PPP1R16B: variants seen among roughly 807,000 people sequenced by gnomAD.
PPP1R16B encodes the protein protein phosphatase 1 regulatory inhibitor subunit 16B.
In PPP1R16B, 14 loss-of-function variants were observed where a neutral mutation model predicts 61.7. That is an observed-to-expected ratio of 0.23 (90% CI 0.15 to 0.35). PPP1R16B has a LOEUF of 0.35. Ranked by LOEUF, PPP1R16B falls within the 10% of genes least tolerant of loss-of-function variation. The pLI is 1.00. For missense variants in PPP1R16B, 547 were observed against 752.5 expected (o/e 0.73, Z 3.19); for synonymous variants, 266 against 305.3 (o/e 0.87, Z 1.34).
At chr20:38,906,857 G>A in intron 7 of PPP1R16B, 122 bp from the exon 8 acceptor site, 2 of 807,864 alleles carry the variant, frequency 2.5e-6, no homozygotes, top group Non-Finnish European at 4.2e-6. Flanking sequence ...GCCTTCCCTG[G>A]AAATCAACTT....
chr20:38,921,912 C>G lies in PPP1R16B; in HGVS notation c.*3246C>G, dbSNP rs1483293006. ...TCCATGGCAGGGGTGGATTCGGGAG[C>G]TGGGAGTAACCAGGCAAAGTCAACC... On this transcript the variant is annotated 3_prime_UTR_variant, in exon 11 of 11. Coordinates refer to ENST00000299824, the MANE Select transcript of PPP1R16B (RefSeq NM_015568.4). 1.3e-5 allele frequency: 2 copies of G among 152,220 alleles called. No individual in the cohort carries two copies. The highest frequency in any genetic ancestry group is 2.9e-5 in the Non-Finnish European group (2 of 68,052). The allele number at this position is 152,220 out of a possible 1,614,324, so 9.4% of individuals were successfully genotyped here.
At chr20:38,878,014 A>T (rs1398713450) in intron 2 of PPP1R16B, among the ~76,000 whole-genome samples, 1 of 140,166 alleles carries the variant, frequency 7.1e-6, no homozygotes, top group African/African-American at 2.7e-5. Flanking sequence ...TGGGAAGGAT[A>T]AATGATTCAA....
intron 10 of PPP1R16B, among the ~76,000 whole-genome samples, chr20:38,913,971 C>T (rs1185756464): frequency 1.3e-5 from 2 of 152,164 alleles, no homozygotes; most frequent in Non-Finnish European, 2.9e-5. Context: ...GCAGGCGGAT[C>T]ATCTGAGGTC....
intron 2 of PPP1R16B, among the ~76,000 whole-genome samples, chr20:38,879,553 T>A (rs942100938): frequency 5.3e-5 from 8 of 152,214 alleles, no homozygotes; most frequent in Non-Finnish European, 2.9e-5. Context: ...TCTTAGAATT[T>A]AAAAAAATAT....
chr20:38,807,919 G>A (rs1045825907), intron 1 of PPP1R16B, among the ~76,000 whole-genome samples: 1 of 152,034 alleles, frequency 6.6e-6, no homozygotes, highest in Non-Finnish European at 1.5e-5. Flanking sequence ...GATCATCCAT[G>A]GCCTAGAAAG....
intron 10 of PPP1R16B, among the ~76,000 whole-genome samples, chr20:38,916,331 A>C (rs1406530731): frequency 1.3e-5 from 2 of 148,266 alleles, no homozygotes; most frequent in Non-Finnish European, 3.0e-5. Flanking sequence ...TGTATGTTAT[A>C]TATAAATACA....
rs897662247 is a variant in PPP1R16B at position 38,921,277 on chromosome 20, C to G, written c.*2611C>G. ...GGGTGTTGAGAGACAAGTTGGAGACCAACCTCCAATGAATGAGCCGCGGTC... is the reference window on the plus strand; with the variant it reads ...GGGTGTTGAGAGACAAGTTGGAGACGAACCTCCAATGAATGAGCCGCGGTC... On this transcript the variant is annotated 3_prime_UTR_variant, in exon 11 of 11. Transcript: ENST00000299824. 20 of 152,192 alleles carry G rather than the reference C, an allele frequency of 1.3e-4. No homozygotes were observed. Among genetic ancestry groups the G allele is most frequent in the African/African-American group, 4.8e-4 (20 of 41,448 alleles). 9.4% of individuals were successfully genotyped at this position (152,192 alleles called of 1,614,324 possible). A position where few individuals can be genotyped will look rare whatever the true frequency, so the allele number is the denominator to read the frequency against.
chr20:38,913,348 C>T (rs1190598401), intron 10 of PPP1R16B, among the ~76,000 whole-genome samples: 2 of 151,470 alleles, frequency 1.3e-5, no homozygotes, highest in African/African-American at 4.9e-5. Context: ...CTGCAACCTC[C>T]GCCTCCCAGG....
At position 38,806,506 on chromosome 20, in the gene PPP1R16B, G is replaced by T. The variant is rs1270674842; in HGVS notation, c.-102+714G>T. Among the ~76,000 whole-genome samples, 5 of 152,078 alleles carry T rather than the reference G, an allele frequency of 3.3e-5. No homozygotes were observed. The highest frequency in any genetic ancestry group is 2.6e-4 in the Admixed American group (4 of 15,290). On this transcript the variant is annotated intron_variant, in intron 1 of 10. Transcript: ENST00000299824. This position sits in a 1 kb window ranked among gnomAD's most constrained non-coding sequence, Gnocchi z 4.5. ...GGAGCGCTCCCCTCTGGGCGACTCC[G>T]GCTCATCGATTCCGGCCCAGAGGAG... is the stretch of plus-strand genomic sequence containing the variant.
intron 6 of PPP1R16B, 39 bp from the exon 7 acceptor site, chr20:38,905,930 G>A (rs375177588): frequency 7.5e-6 from 12 of 1,596,626 alleles, no homozygotes; most frequent in East Asian, 2.3e-5. Context: ...ATGTGGGGCT[G>A]ATCCCCTGAG....
intron 4 of PPP1R16B, among the ~76,000 whole-genome samples, chr20:38,899,445 C>G (rs940920180): frequency 6.6e-6 from 1 of 152,226 alleles, no homozygotes; most frequent in Non-Finnish European, 1.5e-5. Flanking sequence ...ACCCCAAGGA[C>G]TCTTTCAGGA....
At chr20:38,867,684 T>G (rs528538300) in intron 2 of PPP1R16B, among the ~76,000 whole-genome samples, 1 of 151,562 alleles carries the variant, frequency 6.6e-6, no homozygotes, top group Admixed American at 6.6e-5. Context: ...TTCTTTTTTT[T>G]CCCCCCGAGA....
chr20:38,855,982 A>AGAGAAGG (rs1449393855), intron 2 of PPP1R16B, among the ~76,000 whole-genome samples: 11 of 41,552 alleles, frequency 2.6e-4, no homozygotes, highest in East Asian at 1.7e-3. Context: ...AGAGAGAGAG[A>AGAGAAGG]AGGAGGAGGA....
At chr20:38,825,049 AG>A (rs1437490927) in intron 1 of PPP1R16B, among the ~76,000 whole-genome samples, 2 of 152,250 alleles carry the variant, frequency 1.3e-5, no homozygotes, top group African/African-American at 2.4e-5. Context: ...CCCTGGCTAA[AG>A]GGGAGGAGAT....
intron 4 of PPP1R16B, 43 bp from the exon 5 acceptor site, chr20:38,900,538 T>C: frequency 6.5e-7 from 1 of 1,544,752 alleles, no homozygotes. Context: ...AGACCAACCC[T>C]AGCCACACCT....
chr20:38,891,068 G>A (rs957722561), intron 3 of PPP1R16B, among the ~76,000 whole-genome samples: 10 of 152,316 alleles, frequency 6.6e-5, no homozygotes, highest in Admixed American at 2.6e-4. Context: ...AGCAGAGAGC[G>A]GGTGGCTGCT....
chr20:38,814,135 G>A (rs1466121001), intron 1 of PPP1R16B, among the ~76,000 whole-genome samples: 1 of 152,128 alleles, frequency 6.6e-6, no homozygotes, highest in Non-Finnish European at 1.5e-5. Flanking sequence ...TACTGTTCAG[G>A]AAAGTGAAGC....
chr20:38,855,929 TATATATATATATATAGAGAGAG>T (rs1248290648), intron 2 of PPP1R16B, among the ~76,000 whole-genome samples: 1 of 54,668 alleles, frequency 1.8e-5, no homozygotes, highest in Non-Finnish European at 3.2e-5. Context: ...TATATATATA[TATATATATATATATAGAGAGAG>T]AGAGAGAGAG....
chr20:38,883,025 A>T (rs899626717), intron 2 of PPP1R16B, among the ~76,000 whole-genome samples: 2 of 152,172 alleles, frequency 1.3e-5, no homozygotes, highest in Non-Finnish European at 2.9e-5. Context: ...AGATCATGCA[A>T]TGCCTTGGAG....
Sources: gnomAD v4.1 joint callset for allele counts (sites outside exome capture counted in the v4.1 genomes callset) on GRCh38, gnomAD v4.1.1 for gene constraint, Gnocchi (gnomAD v3.1) non-coding constraint, MANE v1.5 for transcripts, NCBI Gene and HGNC (gene_info 2026-07-23, HGNC 2026-07-21) for gene names.